Variants in DISC1 observed in about 807,000 individuals in gnomAD.
The protein encoded by DISC1 is disrupted in schizophrenia 1 protein.
DISC1 carries 57 observed loss-of-function variants against 84.5 expected under a neutral mutation model. That is an observed-to-expected ratio of 0.67 (90% CI 0.55 to 0.84). The LOEUF (loss-of-function observed/expected upper bound fraction) is 0.84, where lower values mean the gene tolerates loss of function less well. Among genes scored for constraint, DISC1 ranks in the 40% least tolerant of loss-of-function variants. DISC1 has a pLI of 0.00. For synonymous variants in DISC1, 411 were observed against 415.2 expected (o/e 0.99, Z 0.12); for missense variants, 1,000 against 1,057.8 (o/e 0.95, Z 0.76).
intron 9 of DISC1, among the ~76,000 whole-genome samples, chr1:231,873,570 G>T (rs1296434495): frequency 1.3e-5 from 2 of 152,214 alleles, no homozygotes; most frequent in Admixed American, 1.3e-4. Flanking sequence ...AGTTGGGAGG[G>T]TTTAGGAATT....
At chr1:232,002,170 A>G (rs1458902211) in intron 10 of DISC1, among the ~76,000 whole-genome samples, 2 of 152,168 alleles carry the variant, frequency 1.3e-5, no homozygotes, top group Non-Finnish European at 2.9e-5. Flanking sequence ...TGAAGCTGCA[A>G]TGAGATAACA....
intron 8 of DISC1, among the ~76,000 whole-genome samples, chr1:231,816,614 A>G (rs542031055): frequency 2.0e-5 from 3 of 152,268 alleles, no homozygotes; most frequent in East Asian, 3.9e-4. Context: ...ATCAAGGTTA[A>G]TATTTTTTCC....
intron 9 of DISC1, among the ~76,000 whole-genome samples, chr1:231,871,532 G>A (rs919622823): frequency 5.9e-5 from 9 of 152,224 alleles, no homozygotes; most frequent in Non-Finnish European, 1.3e-4. Context: ...GAATTCAAAC[G>A]ATCTGTAGCT....
At chr1:232,005,784 CTG>C (rs1179721212) in intron 10 of DISC1, among the ~76,000 whole-genome samples, 1 of 152,104 alleles carries the variant, frequency 6.6e-6, no homozygotes, top group African/African-American at 2.4e-5. Context: ...TTAAAAGTAT[CTG>C]AAACTTAGAA....
intron 9 of DISC1, among the ~76,000 whole-genome samples, chr1:231,832,455 TAGTC>T (rs2082305004): frequency 6.6e-6 from 1 of 152,040 alleles, no homozygotes; most frequent in African/African-American, 2.4e-5. Context: ...TTTGGGAGAT[TAGTC>T]AGACATGATC....
chr1:231,779,695 G>A (rs1053684669), intron 6 of DISC1, among the ~76,000 whole-genome samples: 2 of 151,734 alleles, frequency 1.3e-5, no homozygotes, highest in Non-Finnish European at 2.9e-5. Context: ...GAGTAGCTGG[G>A]ACTACAGGCA....
intron 2 of DISC1, among the ~76,000 whole-genome samples, chr1:231,695,958 T>C (rs1000994431): frequency 6.6e-6 from 1 of 152,202 alleles, no homozygotes; most frequent in Non-Finnish European, 1.5e-5. Context: ...AGAGCACAGA[T>C]GCAGGCTTGT....
chr1:231,738,069 G>T (rs554790520), intron 3 of DISC1, among the ~76,000 whole-genome samples: 109 of 149,666 alleles, frequency 7.3e-4, no homozygotes, highest in Non-Finnish European at 1.1e-3. Flanking sequence ...GGCTGGTCTT[G>T]AACTCTTGAG....
intron 9 of DISC1, among the ~76,000 whole-genome samples, chr1:231,899,462 G>T (rs1298070234): frequency 6.6e-6 from 1 of 152,114 alleles, no homozygotes; most frequent in African/African-American, 2.4e-5. Context: ...TCATCAAAAG[G>T]GTCTTGGTCT....
intron 1 of DISC1, chr1:231,670,552 T>C (rs937521798): frequency 5.3e-5 from 8 of 152,252 alleles, no homozygotes; most frequent in Non-Finnish European, 1.5e-5. Context: ...GGAAGTGCTA[T>C]ACAAATGTCA....
At chr1:232,005,680 G>A (rs1667332900) in intron 10 of DISC1, among the ~76,000 whole-genome samples, 1 of 151,360 alleles carries the variant, frequency 6.6e-6, no homozygotes, top group Non-Finnish European at 1.5e-5. Context: ...TATGGACATG[G>A]GCTTTGAGAG....
chr1:231,908,255 C>T (rs2088886359), intron 9 of DISC1, among the ~76,000 whole-genome samples: 3 of 152,170 alleles, frequency 2.0e-5, no homozygotes, highest in Non-Finnish European at 2.9e-5. Context: ...TTGCCCATGC[C>T]TGTGTCCTGA....
At chr1:231,973,204 G>T (rs188217254) in intron 10 of DISC1, among the ~76,000 whole-genome samples, 1 of 151,964 alleles carries the variant, frequency 6.6e-6, no homozygotes, top group Non-Finnish European at 1.5e-5. Context: ...GCGCCACCAC[G>T]CCTGGCTAAT....
chr1:231,656,439 T>C (rs1344937535), intron 1 of DISC1, among the ~76,000 whole-genome samples: 1 of 152,226 alleles, frequency 6.6e-6, no homozygotes, highest in Non-Finnish European at 1.5e-5. Context: ...ATTCTATTTG[T>C]CTATGTATCT....
chr1:232,002,310 T>A (rs1259642722), intron 10 of DISC1, among the ~76,000 whole-genome samples: 1 of 152,138 alleles, frequency 6.6e-6, no homozygotes, highest in Non-Finnish European at 1.5e-5. Context: ...TGAAAAACAG[T>A]TTGGCAGTTT....
At chr1:231,689,534 G>C (rs891609221) in intron 1 of DISC1, among the ~76,000 whole-genome samples, 10 of 152,000 alleles carry the variant, frequency 6.6e-5, no homozygotes, top group African/African-American at 2.4e-4. Flanking sequence ...GCCTCGCCAT[G>C]TTGCCCAGGC....
At chr1:231,669,260 A>T (rs1182885910) in intron 1 of DISC1, among the ~76,000 whole-genome samples, 1 of 152,224 alleles carries the variant, frequency 6.6e-6, no homozygotes, top group Admixed American at 6.5e-5. Context: ...GGTTATCAAA[A>T]CTATAAAAAC....
intron 1 of DISC1, among the ~76,000 whole-genome samples, chr1:231,654,460 A>G (rs2060897709): frequency 6.6e-6 from 1 of 152,110 alleles, no homozygotes; most frequent in South Asian, 2.1e-4. Context: ...TGTGTGTGGT[A>G]TGAAATTTTT....
At chr1:231,836,295 G>A (rs969397940) in intron 9 of DISC1, among the ~76,000 whole-genome samples, 9 of 152,128 alleles carry the variant, frequency 5.9e-5, no homozygotes, top group Admixed American at 5.2e-4. Context: ...ATAGGTGAAC[G>A]GATAGTGTCC....
Sources: allele counts gnomAD v4.1 joint callset (sites outside exome capture counted in the v4.1 genomes callset), GRCh38; gene constraint gnomAD v4.1.1; transcripts MANE v1.5; gene names NCBI Gene and HGNC (gene_info 2026-07-23, HGNC 2026-07-21).